The following AMDHD1 variants were observed in gnomAD, a reference collection of about 807,000 sequenced individuals.
The protein encoded by AMDHD1 is probable imidazolonepropionase.
Under a neutral mutation model 44.1 loss-of-function variants are expected in AMDHD1, and 45 were observed. The ratio of observed to expected loss-of-function variants is 1.02; its 90% CI spans 0.80 to 1.31. The LOEUF is 1.31. Among genes scored for constraint, AMDHD1 ranks in the 50% most tolerant of loss-of-function variants. AMDHD1 has a pLI of 0.00. For synonymous variants in AMDHD1, 206 were observed against 205.0 expected (o/e 1.00, Z -0.04); for missense variants, 586 against 552.1 (o/e 1.06, Z -0.61).
rs1293129092 is a variant in AMDHD1 at position 95,968,642 on chromosome 12, T to G, written c.*799T>G. The G allele has an allele frequency of 6.6e-6, 1 of 152,242 alleles. No homozygotes were observed. Among genetic ancestry groups the G allele is most frequent in the South Asian group, 2.1e-4 (1 of 4,834 alleles). The allele number at this position is 152,242 out of a possible 1,614,324, so 9.4% of individuals were successfully genotyped here. On this transcript the variant is annotated 3_prime_UTR_variant, in exon 9 of 9. Coordinates refer to ENST00000266736, the MANE Select transcript of AMDHD1 (RefSeq NM_152435.3). ...GAAGTAGATCAGCAGCGTTGTCTAT[T>G]AGAGTTTTTAGGAAATTACAAAATT...
intron 1 of AMDHD1, among the ~76,000 whole-genome samples, chr12:95,945,267 G>C (rs922824316): frequency 6.6e-6 from 1 of 152,142 alleles, no homozygotes; most frequent in African/African-American, 2.4e-5. Flanking sequence ...GCTGACTTGT[G>C]GTCTGGAAGA....
chr12:95,967,731 T>C (rs774798848), intron 8 of AMDHD1, 25 bp from the exon 9 acceptor site: 14 of 1,433,512 alleles, frequency 9.8e-6, no homozygotes, highest in Non-Finnish European at 1.3e-5. Flanking sequence ...GAAGTAATAT[T>C]TGTTGTTTTT....
At chr12:95,967,651 T>C (rs528527443) in intron 8 of AMDHD1, 105 bp from the exon 9 acceptor site, 38 of 892,578 alleles carry the variant, frequency 4.3e-5, no homozygotes, top group Non-Finnish European at 1.7e-6. Context: ...TGGGTGTAAA[T>C]AAATGTGTAG....
chr12:95,950,781 T>C (rs1000934210), intron 1 of AMDHD1, among the ~76,000 whole-genome samples: 1 of 152,142 alleles, frequency 6.6e-6, no homozygotes, highest in Non-Finnish European at 1.5e-5. Flanking sequence ...TAGACCTTAG[T>C]CTCATAGCCA....
intron 8 of AMDHD1, 137 bp downstream of exon 8, chr12:95,966,645 C>T (rs1485829606): frequency 2.6e-6 from 3 of 1,150,074 alleles, no homozygotes; most frequent in South Asian, 3.0e-5. Flanking sequence ...CTATCTTGAT[C>T]CCTTTCCAAA....
chr12:95,952,704 G>A lies in AMDHD1; in HGVS notation c.138-13G>A. 5 of 1,529,670 alleles carry A rather than the reference G, an allele frequency of 3.3e-6. No homozygotes were observed. Among genetic ancestry groups the A allele is most frequent in the Non-Finnish European group, 4.5e-6 (5 of 1,109,832 alleles). 94.8% of individuals were successfully genotyped at this position (1,529,670 alleles called of 1,614,324 possible). On this transcript the variant is annotated splice_polypyrimidine_tract_variant and intron_variant, in intron 1 of 8. Transcript: ENST00000266736. ...TCCCCAAATTTAATAACTATTTCTT[G>A]ATTTTTCTTCAGAGATGGATTTATA...
chr12:95,959,724 C>G (rs948664549), intron 4 of AMDHD1, among the ~76,000 whole-genome samples: 1 of 151,324 alleles, frequency 6.6e-6, no homozygotes, highest in African/African-American at 2.4e-5. Context: ...GGTAAGGGGA[C>G]CACAGGTGGG....
intron 1 of AMDHD1, among the ~76,000 whole-genome samples, chr12:95,952,064 C>G (rs1479176994): frequency 6.6e-6 from 1 of 152,076 alleles, no homozygotes; most frequent in African/African-American, 2.4e-5. Flanking sequence ...ATTTTCTTTG[C>G]TGTACAGAAG....
chr12:95,964,207 T>A (rs1383997922), intron 6 of AMDHD1, among the ~76,000 whole-genome samples: 2 of 152,178 alleles, frequency 1.3e-5, no homozygotes, highest in South Asian at 4.2e-4. Flanking sequence ...AGCCTCCTAT[T>A]AGGACCACAG....
intron 5 of AMDHD1, among the ~76,000 whole-genome samples, chr12:95,961,752 C>T (rs1163607855): frequency 1.3e-5 from 2 of 152,240 alleles, no homozygotes; most frequent in Non-Finnish European, 2.9e-5. Flanking sequence ...TCCCAAATAG[C>T]TCTAGATCCC....
intron 1 of AMDHD1, among the ~76,000 whole-genome samples, chr12:95,944,921 G>A (rs2080487161): frequency 6.6e-6 from 1 of 152,090 alleles, no homozygotes; most frequent in South Asian, 2.1e-4. Flanking sequence ...ATCACCTGAG[G>A]TTGGGAGCTC....
chr12:95,955,009 AG>A, intron 3 of AMDHD1, 34 bp downstream of exon 3: 10 of 1,605,806 alleles, frequency 6.2e-6, no homozygotes, highest in Non-Finnish European at 8.5e-6. Context: ...ATCAAAATAA[AG>A]CACAAATATG....
At chr12:95,952,321 A>G (rs4762650) in intron 1 of AMDHD1, among the ~76,000 whole-genome samples, 97,497 of 152,156 alleles carry the variant, frequency 0.64, 32,151 homozygotes, top group East Asian at 0.95. Flanking sequence ...TCTTTTCCCC[A>G]ATGTACGTTC....
At position 95,956,722 on chromosome 12, in the gene AMDHD1, G is replaced by C. The variant is rs1245516025; in HGVS notation, c.347G>C (p.Gly116Ala). The C allele has an allele frequency of 6.2e-7, 1 of 1,614,096 alleles. No homozygotes were observed. Among genetic ancestry groups the C allele is most frequent in the African/African-American group, 1.3e-5 (1 of 74,950 alleles). Reference protein sequence around the residue: ...GATYMEIHQAGGGIHFTVERT... With the variant: ...GATYMEIHQAAGGIHFTVERT... ...ACCTACATGGAAATTCACCAGGCCG[G>C]AGGAGGGATCCACTTTACCGTGGAG... is the stretch of plus-strand genomic sequence containing the variant. Residue 116 changes from glycine to alanine, a missense_variant, in exon 4 of 9, where the codon GGA becomes GCA. By Grantham distance (60) the Gly-to-Ala change is moderately conservative. Transcript: ENST00000266736.
At chr12:95,953,421 A>T (rs185531541) in intron 2 of AMDHD1, among the ~76,000 whole-genome samples, 1 of 152,360 alleles carries the variant, frequency 6.6e-6, no homozygotes, top group Admixed American at 6.5e-5. Context: ...ATCATCTCCT[A>T]CATTATGTTG....
At chr12:95,945,754 C>A (rs536665850) in intron 1 of AMDHD1, among the ~76,000 whole-genome samples, 7 of 147,336 alleles carry the variant, frequency 4.8e-5, no homozygotes, top group African/African-American at 1.8e-4. Flanking sequence ...ATTTCAAAGC[C>A]CAGAATTGGA....
intron 1 of AMDHD1, among the ~76,000 whole-genome samples, chr12:95,947,675 G>C (rs1476155042): frequency 5.2e-5 from 3 of 57,186 alleles, no homozygotes; most frequent in African/African-American, 1.1e-4. Context: ...GGTGAGGGGC[G>C]CCTCTGCCCG....
intron 4 of AMDHD1, among the ~76,000 whole-genome samples, chr12:95,958,523 T>G (rs992223756): frequency 6.6e-6 from 1 of 152,228 alleles, no homozygotes; most frequent in Middle Eastern, 3.2e-3. Context: ...AGTAGATTTT[T>G]TTTCAAACAG....
Position 95,953,523 on chromosome 12 carries a change from A to T in AMDHD1, c.244+700A>T, listed in dbSNP as rs564235461. ...TCATATTTATATTTTTTTATATAAA[A>T]TTTTTATACTTTTAAATATTTATTG... is the stretch of plus-strand genomic sequence containing the variant. On this transcript the variant is annotated intron_variant, in intron 2 of 8. Coordinates refer to ENST00000266736, the MANE Select transcript of AMDHD1 (RefSeq NM_152435.3). 2.0e-5 allele frequency among the ~76,000 whole-genome samples: 3 copies of T among 152,192 alleles called. No homozygotes were observed. In the East Asian group the frequency reaches 5.8e-4, roughly 29 times the overall value.
Sources: allele counts gnomAD v4.1 joint callset (sites outside exome capture counted in the v4.1 genomes callset), GRCh38; gene constraint gnomAD v4.1.1; transcripts MANE v1.5; gene names NCBI Gene and HGNC (gene_info 2026-07-23, HGNC 2026-07-21).